COL4A4: variants seen among roughly 807,000 people sequenced by gnomAD.
The protein encoded by COL4A4 is collagen type IV alpha 4 chain, also known as collagen alpha-4(IV) chain.
Under a neutral mutation model 192.9 loss-of-function variants are expected in COL4A4, and 105 were observed. That is an observed-to-expected ratio of 0.54 (90% CI 0.46 to 0.64). The LOEUF is 0.64. Among genes scored for constraint, COL4A4 ranks in the 30% least tolerant of loss-of-function variants. The pLI is 0.00. For synonymous variants in COL4A4, 762 were observed against 769.9 expected, an observed-to-expected ratio of 0.99 and a Z score of 0.17; for missense variants, 1,967 against 2,169.3, an observed-to-expected ratio of 0.91 and a Z score of 1.85.
chr2:226,971,421 A>G, the COL4A4 span, among the ~76,000 whole-genome samples: 1 of 152,220 alleles, frequency 6.6e-6, no homozygotes, highest in Non-Finnish European at 1.5e-5. Flanking sequence ...GGCATCTTCA[A>G]GCTGTGTATC....
At chr2:226,984,265 C>T in the COL4A4 span, among the ~76,000 whole-genome samples, 2 of 152,192 alleles carry the variant, frequency 1.3e-5, no homozygotes, top group African/African-American at 2.4e-5. Flanking sequence ...ACCATGGACC[C>T]GGTGGCTTAA....
chr2:227,020,880 CTT>C (rs57119611), intron 44 of COL4A4, among the ~76,000 whole-genome samples: 5 of 127,562 alleles, frequency 3.9e-5, no homozygotes, highest in Admixed American at 8.2e-5. Flanking sequence ...ACACTTTTTT[CTT>C]TTTTTTTTTT....
At chr2:226,986,170 T>G in the COL4A4 span, among the ~76,000 whole-genome samples, 2 of 152,178 alleles carry the variant, frequency 1.3e-5, no homozygotes, top group Admixed American at 1.3e-4. Context: ...CACTCAAGAC[T>G]GTCAAGGTCA....
chr2:227,083,220 C>T lies in COL4A4; in HGVS notation c.1624-1033G>A, dbSNP rs146249889. 4.8e-3 allele frequency among the ~76,000 whole-genome samples: 729 copies of T among 152,202 alleles called. 7 individuals are homozygous for T. Among genetic ancestry groups the T allele is most frequent in the African/African-American group, 0.017 (700 of 41,530 alleles). ...CTCCAGCCTGGGTGACAGAGCAAGA[C>T]TCTGTGTCAAAAAATATATATATAT... On this transcript the variant is annotated intron_variant, in intron 22 of 47. Coordinates refer to ENST00000396625, the MANE Select transcript of COL4A4 (RefSeq NM_000092.5).
chr2:226,974,857 G>T, the COL4A4 span, among the ~76,000 whole-genome samples: 2 of 152,084 alleles, frequency 1.3e-5, no homozygotes, highest in African/African-American at 2.4e-5. Context: ...CAGGTACCTC[G>T]CCAGTGCGTG....
intron 8 of COL4A4, 102 bp downstream of exon 8, chr2:227,114,526 T>C (rs2124921386): frequency 1.1e-6 from 1 of 938,542 alleles, no homozygotes; most frequent in East Asian, 2.4e-5. Flanking sequence ...AATTGGTGTA[T>C]TCAGGGACAT....
chr2:227,137,198 C>T (rs2062872594), intron 4 of COL4A4, among the ~76,000 whole-genome samples: 1 of 152,130 alleles, frequency 6.6e-6, no homozygotes, highest in African/African-American at 2.4e-5. Context: ...GTGGAAAGTA[C>T]ACCATCTACA....
intron 37 of COL4A4, among the ~76,000 whole-genome samples, chr2:227,041,898 G>GAAAGAA (rs1553633490): frequency 6.7e-6 from 1 of 149,272 alleles, no homozygotes; most frequent in Non-Finnish European, 1.5e-5. Context: ...AAGAAAGAAA[G>GAAAGAA]AAAGAAAGAA....
intron 28 of COL4A4, among the ~76,000 whole-genome samples, chr2:227,058,242 G>C (rs6436647): frequency 0.65 from 98,499 of 152,050 alleles, 32,488 homozygotes; most frequent in African/African-American, 0.77. Context: ...TGGCTGGATG[G>C]TATTCCTTTG....
chr2:226,991,193 C>T, the COL4A4 span, among the ~76,000 whole-genome samples: 1 of 152,106 alleles, frequency 6.6e-6, no homozygotes, highest in Non-Finnish European at 1.5e-5. Flanking sequence ...TTATATATCT[C>T]TTTTTTGAGA....
At chr2:226,968,394 G>A in the COL4A4 span, among the ~76,000 whole-genome samples, 4 of 152,208 alleles carry the variant, frequency 2.6e-5, no homozygotes, top group Non-Finnish European at 5.9e-5. Flanking sequence ...TGAAGCTGTA[G>A]TCCACAAGCA....
intron 2 of COL4A4, chr2:227,147,165 G>A (rs1264101354): frequency 2.6e-5 from 16 of 620,038 alleles, no homozygotes; most frequent in South Asian, 5.6e-5. Context: ...GTGAGTAAGC[G>A]AGCAAGAATC....
Position 227,121,067 on chromosome 2 carries a change from C to G in COL4A4, c.274G>C (p.Gly92Arg). 2 of 1,614,190 alleles carry G rather than the reference C, an allele frequency of 1.2e-6. No homozygotes were observed. Among genetic ancestry groups the G allele is most frequent in the Non-Finnish European group, 1.7e-6 (2 of 1,180,038 alleles). ...GGAGGGCCGCGGTCCCCTCTCATTC[C>G]TTTCTCTCCTGAAAGCCCAATGGGT... The part of the protein sequence containing the change: ...PGPIGLSGEK[G>R]MRGDRGPPGA... Residue 92 changes from glycine (G) to arginine (R), a missense_variant, in exon 5 of 48, where the codon GGA (glycine) becomes CGA (arginine). Coordinates refer to ENST00000396625, the MANE Select transcript of COL4A4 (RefSeq NM_000092.5).
intron 15 of COL4A4, 86 bp from the exon 16 acceptor site, chr2:227,101,995 T>C (rs1012642988): frequency 2.8e-5 from 27 of 959,280 alleles, no homozygotes; most frequent in Non-Finnish European, 3.6e-5. Context: ...CCTTATCAAA[T>C]TGTTCCATGG....
At chr2:227,098,834 G>T in intron 18 of COL4A4, 36 bp from the exon 19 acceptor site, 2 of 1,493,054 alleles carry the variant, frequency 1.3e-6, no homozygotes, top group South Asian at 1.1e-5. Flanking sequence ...ATAAACAAAT[G>T]GTATGTGCAT....
At chr2:227,085,819 T>C (rs2059573736) in intron 22 of COL4A4, among the ~76,000 whole-genome samples, 1 of 152,158 alleles carries the variant, frequency 6.6e-6, no homozygotes, top group Admixed American at 6.6e-5. Flanking sequence ...GGGGATTACA[T>C]TTCAACATGA....
Position 227,062,518 on chromosome 2 carries a change from CA to C in COL4A4, c.2056+11del. On this transcript the variant is annotated intron_variant, in intron 26 of 47. Transcript: ENST00000396625. ...GGAAGTATATAAGACAGTAACTTCT[CA>C]TTGATAATACCTGGAGGTCCATCAA... 1 of 1,540,518 alleles carries C rather than the reference CA, an allele frequency of 6.5e-7. No homozygotes were observed. The highest frequency in any genetic ancestry group is 1.1e-5 in the South Asian group (1 of 89,628).
In COL4A4 at chr2:227,021,245, C is replaced by T. The variant is rs568273725; in HGVS notation, c.4216+803G>A. ...TACTTGAATAAGGATCCTGCCACCC[C>T]GGCAGTTACTGAACAATGCTCCAGT... On this transcript the variant is annotated intron_variant, in intron 44 of 47. Transcript: ENST00000396625. Among the ~76,000 whole-genome samples the T allele has an allele frequency of 6.2e-4, 95 of 152,236 alleles. 2 individuals carry two copies. The highest frequency in any genetic ancestry group is 1.9e-4 in the East Asian group (1 of 5,178).
intron 25 of COL4A4, among the ~76,000 whole-genome samples, chr2:227,071,911 A>G (rs977434473): frequency 6.6e-6 from 1 of 152,122 alleles, no homozygotes; most frequent in Non-Finnish European, 1.5e-5. Context: ...TGCTAAGAGG[A>G]AAGCTTATAG....
Sources: allele counts gnomAD v4.1 joint callset (sites outside exome capture counted in the v4.1 genomes callset), GRCh38; gene constraint gnomAD v4.1.1; transcripts MANE v1.5; gene names NCBI Gene and HGNC (gene_info 2026-07-23, HGNC 2026-07-21).